Variants in GRAMD2A observed in about 807,000 individuals in gnomAD.
The protein encoded by GRAMD2A is GRAM domain-containing protein 2A.
GRAMD2A carries 37 observed loss-of-function variants against 51.1 expected under a neutral mutation model. The ratio of observed to expected loss-of-function variants is 0.72; its 90% CI spans 0.56 to 0.95. The LOEUF is 0.95. Among genes scored for constraint, GRAMD2A ranks in the 40% least tolerant of loss-of-function variants. The pLI, the probability that GRAMD2A is intolerant of heterozygous loss-of-function variation, is 0.00. For missense variants in GRAMD2A, 414 were observed against 426.9 expected (o/e 0.97, Z 0.27); for synonymous variants, 136 against 157.1 (o/e 0.87, Z 1.01).
At chr15:72,180,998 G>C (rs923904144) in intron 1 of GRAMD2A, among the ~76,000 whole-genome samples, 1 of 152,218 alleles carries the variant, frequency 6.6e-6, no homozygotes, top group African/African-American at 2.4e-5. Flanking sequence ...TTCTGAAGAC[G>C]TACAACATTG....
intron 1 of GRAMD2A, 90 bp downstream of exon 1, chr15:72,197,640 GC>G: frequency 9.5e-7 from 1 of 1,047,732 alleles, no homozygotes; most frequent in Non-Finnish European, 1.2e-6. Flanking sequence ...AGTTGCCGCG[GC>G]CCCAGGAGCC....
At chr15:72,188,854 T>C (rs2081750546) in intron 1 of GRAMD2A, among the ~76,000 whole-genome samples, 1 of 152,130 alleles carries the variant, frequency 6.6e-6, no homozygotes, top group Non-Finnish European at 1.5e-5. Flanking sequence ...AGCTAAATTT[T>C]TGTATATTTA....
At chr15:72,188,904 G>T (rs531908128) in intron 1 of GRAMD2A, among the ~76,000 whole-genome samples, 3 of 152,136 alleles carry the variant, frequency 2.0e-5, no homozygotes, top group Admixed American at 2.0e-4. Context: ...GGCTGGTCTC[G>T]AACTGTTGAC....
At chr15:72,174,816 A>T (rs1257951398) in intron 1 of GRAMD2A, among the ~76,000 whole-genome samples, 1 of 152,108 alleles carries the variant, frequency 6.6e-6, no homozygotes, top group African/African-American at 2.4e-5. Context: ...AAGAATGGGG[A>T]GACAGGGCAG....
intron 1 of GRAMD2A, among the ~76,000 whole-genome samples, chr15:72,186,999 A>C (rs2081738874): frequency 6.6e-6 from 1 of 151,494 alleles, no homozygotes; most frequent in African/African-American, 2.4e-5. Context: ...AAAATACAAA[A>C]AAAAAAAAAA....
At chr15:72,168,874 A>C (rs2081578114) in intron 3 of GRAMD2A, 65 bp downstream of exon 3, 1 of 1,479,852 alleles carries the variant, frequency 6.8e-7, no homozygotes, top group Non-Finnish European at 9.5e-7. Context: ...GCCAAAAGTC[A>C]CTGAATTCTG....
chr15:72,166,967 AAGG>A lies in GRAMD2A; in HGVS notation c.471+24_471+26del. The A allele has an allele frequency of 6.4e-7, 1 of 1,567,734 alleles. No individual in the cohort carries two copies. On this transcript the variant is annotated intron_variant, in intron 6 of 11. Transcript: ENST00000309731. The surrounding 1 kb of genome is among the most constrained non-coding windows in gnomAD (Gnocchi z 4.1). ...TCAGGGCTGGGAGCGGGAGACTGAC[AAGG>A]GAGCATGGGCCCAGTGCACTGACCT...
At chr15:72,169,641 G>A (rs1027079044) in intron 2 of GRAMD2A, 67 of 694,534 alleles carry the variant, frequency 9.6e-5, no homozygotes, top group Non-Finnish European at 1.4e-4. Flanking sequence ...CTGGAAACCC[G>A]AGAAGCATGG....
chr15:72,193,235 T>C lies in GRAMD2A; in HGVS notation c.41+4496A>G, dbSNP rs548904990. On this transcript the variant is annotated intron_variant, in intron 1 of 11. Coordinates refer to ENST00000309731, the MANE Select transcript of GRAMD2A (RefSeq NM_001012642.3). ...CCTAAATGATGACCAATCATTTCTTTTTTTTTTTTCATTCTTGTTGCCCAG... is the reference window on the plus strand; with the variant it reads ...CCTAAATGATGACCAATCATTTCTTCTTTTTTTTTCATTCTTGTTGCCCAG... Among the ~76,000 whole-genome samples, 6 of 152,014 alleles carry C rather than the reference T, an allele frequency of 3.9e-5. No individual in the cohort carries two copies. The South Asian group carries it at 1.2e-3, about 32-fold the overall frequency.
chr15:72,162,273 C>A lies in GRAMD2A; in HGVS notation c.1061G>T (p.Arg354Met). 3 of 1,608,148 alleles carry A rather than the reference C, an allele frequency of 1.9e-6. No homozygotes were observed. Among genetic ancestry groups the A allele is most frequent in the Non-Finnish European group, 2.6e-6 (3 of 1,174,768 alleles). The change falls in exon 11 of 12, where the codon AGG becomes ATG. Residue 354 changes from arginine to methionine, a missense_variant and splice_region_variant. Arg to Met is a moderately conservative substitution (Grantham distance 91). Transcript: ENST00000309731. ...GCATTAGAAAGAGAAAAGGCCTCACCTGTGCCCAGGGACTGGGTCATCCCA... is the reference window on the plus strand; with the variant it reads ...GCATTAGAAAGAGAAAAGGCCTCACATGTGCCCAGGGACTGGGTCATCCCA... ...LSWDDPVPGH[R>M] is the part of the protein sequence containing the mutation.
chr15:72,178,385 T>C (rs2081670371), intron 1 of GRAMD2A, among the ~76,000 whole-genome samples: 1 of 152,144 alleles, frequency 6.6e-6, no homozygotes, highest in Non-Finnish European at 1.5e-5. Flanking sequence ...AGACTCCCTA[T>C]GTGCTCTCAG....
At chr15:72,172,418 C>CT (rs775170780) in intron 1 of GRAMD2A, among the ~76,000 whole-genome samples, 1,996 of 138,006 alleles carry the variant, frequency 0.014, 27 homozygotes, top group African/African-American at 0.028. Flanking sequence ...CATGCCTAGC[C>CT]TTTTTTTTTT....
intron 1 of GRAMD2A, among the ~76,000 whole-genome samples, chr15:72,171,668 C>T (rs746122038): frequency 5.9e-5 from 9 of 152,126 alleles, no homozygotes; most frequent in Non-Finnish European, 1.3e-4. Context: ...GGTGAAAATA[C>T]GTTGTCTTCA....
At chr15:72,193,244 TC>T (rs1199114980) in intron 1 of GRAMD2A, among the ~76,000 whole-genome samples, 1 of 151,838 alleles carries the variant, frequency 6.6e-6, no homozygotes, top group East Asian at 1.9e-4. Flanking sequence ...TTTTTTTTTT[TC>T]ATTCTTGTTG....
chr15:72,163,233 G>A (rs1356924051), intron 10 of GRAMD2A, 33 bp downstream of exon 10: 2 of 1,443,392 alleles, frequency 1.4e-6, no homozygotes, highest in South Asian at 1.1e-5. Context: ...ACATGCAGGT[G>A]GGTCTGTCCC....
In GRAMD2A at chr15:72,166,864, C is replaced by T; in HGVS notation, c.471+130G>A. ...ACTTCTCTTCCAGCTTGTTGTACGGCCTGAAATACCTACTGGAGAGCTGCA... is the reference window on the plus strand; with the variant it reads ...ACTTCTCTTCCAGCTTGTTGTACGGTCTGAAATACCTACTGGAGAGCTGCA... On this transcript the variant is annotated intron_variant, in intron 6 of 11. Coordinates refer to ENST00000309731, the MANE Select transcript of GRAMD2A (RefSeq NM_001012642.3). This position sits in a 1 kb window ranked among gnomAD's most constrained non-coding sequence, Gnocchi z 4.1. 1 of 920,076 alleles carries T rather than the reference C, an allele frequency of 1.1e-6. No individual in the cohort carries two copies. Among genetic ancestry groups the T allele is most frequent in the Non-Finnish European group, 1.8e-6 (1 of 568,246 alleles). 57.0% of individuals were successfully genotyped at this position (920,076 alleles called of 1,614,324 possible). A position where few individuals can be genotyped will look rare whatever the true frequency, so the allele number is the denominator to read the frequency against.
Position 72,162,290 on chromosome 15 carries a change from G to A in GRAMD2A, c.1044C>T (p.Asp348=). Residue 348 remains aspartate (D), a synonymous_variant, in exon 11 of 12, where the codon GAC becomes GAT. Coordinates refer to ENST00000309731, the MANE Select transcript of GRAMD2A (RefSeq NM_001012642.3). The part of the protein sequence containing the change: ...EQQLCSLSWD[D]PVPGHR ...GGCCTCACCTGTGCCCAGGGACTGG[G>A]TCATCCCAACTCAAGGAGCATAACT... 1 of 1,613,254 alleles carries A rather than the reference G, an allele frequency of 6.2e-7. No homozygotes were observed. The highest frequency in any genetic ancestry group is 8.5e-7 in the Non-Finnish European group (1 of 1,179,178).
chr15:72,162,478 G>T, intron 10 of GRAMD2A, 101 bp from the exon 11 acceptor site: 1 of 812,368 alleles, frequency 1.2e-6, no homozygotes, highest in Non-Finnish European at 2.0e-6. Context: ...CCTGCAGTTG[G>T]AAGAATTAAA....
At chr15:72,195,366 C>A (rs1183945330) in intron 1 of GRAMD2A, among the ~76,000 whole-genome samples, 2 of 152,218 alleles carry the variant, frequency 1.3e-5, no homozygotes, top group African/African-American at 4.8e-5. Flanking sequence ...CAGAGTGAGG[C>A]TCTTCCCTCC....
Sources: gnomAD v4.1 joint callset for allele counts (sites outside exome capture counted in the v4.1 genomes callset) on GRCh38, gnomAD v4.1.1 for gene constraint, Gnocchi (gnomAD v3.1) non-coding constraint, MANE v1.5 for transcripts, NCBI Gene and HGNC (gene_info 2026-07-23, HGNC 2026-07-21) for gene names.